The following C12orf42 variants were observed in gnomAD, a reference collection of about 807,000 sequenced individuals.
C12orf42 encodes the protein uncharacterized protein C12orf42.
In C12orf42, 25 loss-of-function variants were observed where a neutral mutation model predicts 21.6. That is an observed-to-expected ratio of 1.16 (90% CI 0.84 to 1.62). The LOEUF (loss-of-function observed/expected upper bound fraction) is 1.62, where lower values mean the gene tolerates loss of function less well. C12orf42 is among the 40% of genes most tolerant of loss of function. The probability of loss-of-function intolerance (pLI) is 0.00; values close to 1 mark genes in which losing one functional copy is unlikely to be tolerated. For missense variants in C12orf42, 483 were observed against 459.3 expected (o/e 1.05, Z -0.47); for synonymous variants, 174 against 175.0 (o/e 0.99, Z 0.05).
the C12orf42 span, among the ~76,000 whole-genome samples, chr12:103,067,103 G>A: frequency 6.6e-6 from 1 of 152,196 alleles, no homozygotes; most frequent in Non-Finnish European, 1.5e-5. Context: ...ATTCCTCGGA[G>A]TAATCAGCCA....
chr12:103,101,283 T>C, the C12orf42 span, among the ~76,000 whole-genome samples: 34 of 152,294 alleles, frequency 2.2e-4, no homozygotes, highest in Middle Eastern at 6.8e-3. Flanking sequence ...AAAGGGCAAA[T>C]TTAAACTTTG....
chr12:103,446,175 AC>A (rs1266194282), intron 2 of C12orf42, among the ~76,000 whole-genome samples: 1 of 151,968 alleles, frequency 6.6e-6, no homozygotes, highest in Non-Finnish European at 1.5e-5. Context: ...CTCAGCAGAA[AC>A]CCTACGAGCT....
intron 10 of C12orf42, among the ~76,000 whole-genome samples, chr12:103,258,815 C>T (rs914903815): frequency 1.3e-5 from 2 of 151,944 alleles, no homozygotes; most frequent in African/African-American, 4.8e-5. Flanking sequence ...TCAAAATACA[C>T]AAAAGGGGAT....
the C12orf42 span, among the ~76,000 whole-genome samples, chr12:103,121,325 A>G: frequency 1.3e-3 from 191 of 152,342 alleles, 1 homozygote; most frequent in African/African-American, 4.4e-3. Flanking sequence ...AAGAGACAAG[A>G]GAAGAGCTGA....
At chr12:103,512,269 T>C in the C12orf42 span, among the ~76,000 whole-genome samples, 7 of 151,394 alleles carry the variant, frequency 4.6e-5, no homozygotes. Flanking sequence ...TCCATGGAGG[T>C]GGACAGTAGA....
At chr12:103,170,511 C>T in the C12orf42 span, among the ~76,000 whole-genome samples, 3 of 152,070 alleles carry the variant, frequency 2.0e-5, no homozygotes, top group African/African-American at 7.2e-5. Context: ...TTCCACTTTT[C>T]TCACTTACTT....
the C12orf42 span, among the ~76,000 whole-genome samples, chr12:103,537,724 C>G: frequency 1.3e-5 from 2 of 152,182 alleles, no homozygotes; most frequent in African/African-American, 4.8e-5. Context: ...TTTATAGCCC[C>G]AGTCTCTGAC....
At chr12:103,559,617 A>T in the C12orf42 span, 1 of 152,346 alleles carries the variant, frequency 6.6e-6, no homozygotes. Context: ...GCATCTCGAC[A>T]TGAGAAGTGT....
At chr12:103,491,304 C>T (rs1464093701) in intron 1 of C12orf42, among the ~76,000 whole-genome samples, 2 of 152,002 alleles carry the variant, frequency 1.3e-5, no homozygotes, top group African/African-American at 4.8e-5. Context: ...CATAGTTTAC[C>T]ACTGAATTCT....
chr12:103,192,408 C>A, the C12orf42 span, among the ~76,000 whole-genome samples: 1 of 150,512 alleles, frequency 6.6e-6, no homozygotes, highest in African/African-American at 2.4e-5. Context: ...GAGGCTGAGG[C>A]AGGAGAATCG....
At chr12:103,449,787 T>C (rs1951821193) in intron 2 of C12orf42, among the ~76,000 whole-genome samples, 2 of 151,668 alleles carry the variant, frequency 1.3e-5, no homozygotes, top group Admixed American at 6.6e-5. Flanking sequence ...ACTTTAGAAT[T>C]TTTTTCTAGT....
intron 2 of C12orf42, among the ~76,000 whole-genome samples, chr12:103,408,387 G>A (rs889954771): frequency 1.3e-5 from 2 of 152,080 alleles, no homozygotes; most frequent in African/African-American, 4.8e-5. Flanking sequence ...AGAGGAAGAG[G>A]GTGTGGAGGT....
chr12:103,426,052 T>C (rs1197724422), intron 2 of C12orf42, among the ~76,000 whole-genome samples: 1 of 152,218 alleles, frequency 6.6e-6, no homozygotes, highest in East Asian at 1.9e-4. Flanking sequence ...AGAACGCCTC[T>C]TCTCCAAAGG....
chr12:103,116,279 G>A, the C12orf42 span, among the ~76,000 whole-genome samples: 1 of 151,356 alleles, frequency 6.6e-6, no homozygotes, highest in Non-Finnish European at 1.5e-5. Flanking sequence ...CGGGAAAATC[G>A]CTTGAACCTG....
chr12:103,346,680 T>C (rs533772905), intron 4 of C12orf42, among the ~76,000 whole-genome samples: 65 of 152,314 alleles, frequency 4.3e-4, no homozygotes, highest in African/African-American at 1.3e-3. Flanking sequence ...TTCCAGTAGT[T>C]TGCCCATCCT....
the C12orf42 span, among the ~76,000 whole-genome samples, chr12:103,151,006 C>A: frequency 1.1e-4 from 16 of 152,146 alleles, no homozygotes; most frequent in Non-Finnish European, 2.4e-4. Context: ...TGGCTCACTG[C>A]AACCTTCACC....
the C12orf42 span, among the ~76,000 whole-genome samples, chr12:103,501,290 G>C: frequency 3.3e-5 from 5 of 152,188 alleles, no homozygotes; most frequent in African/African-American, 9.7e-5. Context: ...GTCAAAAAAA[G>C]GGGGGATAAT....
intron 6 of C12orf42, among the ~76,000 whole-genome samples, chr12:103,269,293 A>G (rs2035324204): frequency 6.6e-6 from 1 of 152,158 alleles, no homozygotes; most frequent in Non-Finnish European, 1.5e-5. Context: ...AAGTAGACAA[A>G]TGACATAAAG....
chr12:103,281,603 G>A (rs1298389093), intron 4 of C12orf42, among the ~76,000 whole-genome samples: 2 of 151,912 alleles, frequency 1.3e-5, no homozygotes, highest in Admixed American at 6.6e-5. Context: ...TGATCTGCCC[G>A]GCTCAGCCTC....
Sources: allele counts gnomAD v4.1 joint callset (sites outside exome capture counted in the v4.1 genomes callset), GRCh38; gene constraint gnomAD v4.1.1; transcripts MANE v1.5; gene names NCBI Gene and HGNC (gene_info 2026-07-23, HGNC 2026-07-21).